CACNA2D3: variants seen among roughly 807,000 people sequenced by gnomAD.
The protein encoded by CACNA2D3 is calcium voltage-gated channel auxiliary subunit alpha2delta 3.
Under a neutral mutation model 160.6 loss-of-function variants are expected in CACNA2D3, and 60 were observed. The ratio of observed to expected loss-of-function variants is 0.37; its 90% CI spans 0.30 to 0.46. The LOEUF is 0.46. Ranked by LOEUF, CACNA2D3 falls within the 20% of genes least tolerant of loss-of-function variation. The pLI is 1.00. For missense variants in CACNA2D3, 1,205 were observed against 1,365.0 expected, an observed-to-expected ratio of 0.88 and a Z score of 1.85; for synonymous variants, 558 against 492.9, an observed-to-expected ratio of 1.13 and a Z score of -1.75.
intron 17 of CACNA2D3, among the ~76,000 whole-genome samples, chr3:54,852,794 T>C (rs1699086126): frequency 6.6e-6 from 1 of 152,222 alleles, no homozygotes; most frequent in South Asian, 2.1e-4. Flanking sequence ...CACATGTGAA[T>C]ATGTGTTAAA....
chr3:54,498,119 T>C (rs1352547299), intron 4 of CACNA2D3, among the ~76,000 whole-genome samples: 1 of 151,754 alleles, frequency 6.6e-6, no homozygotes, highest in Non-Finnish European at 1.5e-5. Flanking sequence ...AAGTATTTTC[T>C]CCTCTAATTT....
At position 54,805,144 on chromosome 3, in the gene CACNA2D3, G is replaced by A. The variant is rs868832585; in HGVS notation, c.1381-11709G>A. Among the ~76,000 whole-genome samples, 1,121 of 151,920 alleles carry A rather than the reference G, an allele frequency of 7.4e-3. 11 individuals carry two copies. Among genetic ancestry groups the A allele is most frequent in the African/African-American group, 0.024 (1,005 of 41,426 alleles). On this transcript the variant is annotated intron_variant, in intron 13 of 37. Transcript: ENST00000474759. ...CCCTAACATCACAATTAAAAGAACT[G>A]GAAAAGCAAGAGCAAACACATTCAA... is the stretch of plus-strand genomic sequence containing the variant.
chr3:54,937,286 A>G (rs986752783), intron 27 of CACNA2D3, among the ~76,000 whole-genome samples: 21 of 152,314 alleles, frequency 1.4e-4, no homozygotes, highest in African/African-American at 5.0e-4. Context: ...AGCTCAATGA[A>G]TGGACCTACA....
At chr3:54,986,107 C>T (rs1363237649) in intron 30 of CACNA2D3, among the ~76,000 whole-genome samples, 1 of 152,108 alleles carries the variant, frequency 6.6e-6, no homozygotes, top group Admixed American at 6.6e-5. Context: ...GAGGGAGGAG[C>T]TCTAGTCTTC....
intron 4 of CACNA2D3, among the ~76,000 whole-genome samples, chr3:54,490,535 T>C (rs1378820391): frequency 2.0e-5 from 3 of 152,160 alleles, no homozygotes; most frequent in Admixed American, 2.0e-4. Context: ...ACAAAAATGT[T>C]TCCCTAAGTG....
intron 4 of CACNA2D3, among the ~76,000 whole-genome samples, chr3:54,499,665 A>G (rs1221149203): frequency 6.6e-6 from 1 of 152,140 alleles, no homozygotes; most frequent in Non-Finnish European, 1.5e-5. Flanking sequence ...TATGTTGTCT[A>G]ATCTCCAAAT....
chr3:54,549,790 C>T (rs1453105697), intron 5 of CACNA2D3, among the ~76,000 whole-genome samples: 1 of 152,174 alleles, frequency 6.6e-6, no homozygotes, highest in African/African-American at 2.4e-5. Flanking sequence ...CTGCTAGCCT[C>T]GGGGCTGTGT....
intron 35 of CACNA2D3, among the ~76,000 whole-genome samples, chr3:55,059,631 G>A (rs1176610089): frequency 6.6e-6 from 1 of 152,220 alleles, no homozygotes; most frequent in Non-Finnish European, 1.5e-5. Flanking sequence ...TAGCTCTGCT[G>A]TCCATAGACA....
chr3:54,483,680 C>G (rs946271164), intron 4 of CACNA2D3, among the ~76,000 whole-genome samples: 12 of 152,144 alleles, frequency 7.9e-5, no homozygotes, highest in African/African-American at 2.9e-4. Flanking sequence ...AAAAATATCA[C>G]AGTCTCACCA....
At chr3:54,242,422 G>C (rs28679671) in intron 2 of CACNA2D3, among the ~76,000 whole-genome samples, 28,099 of 152,118 alleles carry the variant, frequency 0.18, 3,243 homozygotes, top group African/African-American at 0.31. Context: ...CAGCCTGGGG[G>C]ACAGAGTGAG....
At chr3:54,693,439 A>G (rs964591684) in intron 11 of CACNA2D3, among the ~76,000 whole-genome samples, 1 of 152,250 alleles carries the variant, frequency 6.6e-6, no homozygotes, top group Non-Finnish European at 1.5e-5. Context: ...CAACAGTCAT[A>G]TAAAAGTATA....
At position 54,282,228 on chromosome 3, in the gene CACNA2D3, C is replaced by G. The variant is rs139685962; in HGVS notation, c.205-38214C>G. On this transcript the variant is annotated intron_variant, in intron 2 of 37. Coordinates refer to ENST00000474759, the MANE Select transcript of CACNA2D3 (RefSeq NM_018398.3). ...GGGAATGGAGAGTTGGTGGAATTGTCACTGAATTTTCTATGTCAAATATCT... is the reference window on the plus strand; with the variant it reads ...GGGAATGGAGAGTTGGTGGAATTGTGACTGAATTTTCTATGTCAAATATCT... Among the ~76,000 whole-genome samples, 745 of 152,278 alleles carry G rather than the reference C, an allele frequency of 4.9e-3. 3 individuals are homozygous for G. The highest frequency in any genetic ancestry group is 0.017 in the African/African-American group (696 of 41,552).
intron 2 of CACNA2D3, among the ~76,000 whole-genome samples, chr3:54,247,008 A>G (rs929837680): frequency 2.6e-5 from 4 of 152,108 alleles, no homozygotes; most frequent in Non-Finnish European, 5.9e-5. Flanking sequence ...TACCCACAGA[A>G]CAGATTAAAA....
At chr3:54,856,089 T>C (rs1699163095) in intron 17 of CACNA2D3, among the ~76,000 whole-genome samples, 1 of 152,180 alleles carries the variant, frequency 6.6e-6, no homozygotes, top group South Asian at 2.1e-4. Context: ...ATGAAGACAC[T>C]GATGAGACTG....
At chr3:55,061,371 T>G (rs1015355815) in intron 35 of CACNA2D3, among the ~76,000 whole-genome samples, 1 of 152,214 alleles carries the variant, frequency 6.6e-6, no homozygotes, top group African/African-American at 2.4e-5. Flanking sequence ...AAACCGGGTG[T>G]GAGCCATGCT....
intron 2 of CACNA2D3, among the ~76,000 whole-genome samples, chr3:54,308,662 C>T (rs1291980686): frequency 6.6e-6 from 1 of 152,130 alleles, no homozygotes; most frequent in Admixed American, 6.5e-5. Context: ...TAATAAACTC[C>T]TTGGTAGCAG....
At chr3:54,285,538 T>A (rs932770190) in intron 2 of CACNA2D3, among the ~76,000 whole-genome samples, 1 of 152,174 alleles carries the variant, frequency 6.6e-6, no homozygotes, top group African/African-American at 2.4e-5. Flanking sequence ...AGCAGTAACC[T>A]CTGCAGACTT....
chr3:54,188,409 G>A (rs1170885129), intron 2 of CACNA2D3, among the ~76,000 whole-genome samples: 1 of 152,202 alleles, frequency 6.6e-6, no homozygotes, highest in Admixed American at 6.5e-5. Context: ...TTCCTTGGTG[G>A]TTCATGGGTG....
intron 11 of CACNA2D3, among the ~76,000 whole-genome samples, chr3:54,676,504 G>A (rs1001915881): frequency 6.6e-6 from 1 of 152,162 alleles, no homozygotes; most frequent in Non-Finnish European, 1.5e-5. Context: ...AGGGGTGTGT[G>A]CTGGGCCCCT....
Sources: allele counts gnomAD v4.1 joint callset (sites outside exome capture counted in the v4.1 genomes callset), GRCh38; gene constraint gnomAD v4.1.1; transcripts MANE v1.5; gene names NCBI Gene and HGNC (gene_info 2026-07-23, HGNC 2026-07-21).